Variants in FHIT observed in about 807,000 individuals in gnomAD.
FHIT encodes the protein bis(5'-adenosyl)-triphosphatase.
In FHIT, 19 loss-of-function variants were observed where a neutral mutation model predicts 17.9. That is an observed-to-expected ratio of 1.06 (90% confidence interval 0.74 to 1.56). The LOEUF is 1.56. FHIT is among the 40% of genes most tolerant of loss of function. The probability of loss-of-function intolerance (pLI) is 0.00; values close to 1 mark genes in which losing one functional copy is unlikely to be tolerated. For synonymous variants in FHIT, 81 were observed against 69.7 expected, an observed-to-expected ratio of 1.16 and a Z score of -0.81; for missense variants, 248 against 189.2, an observed-to-expected ratio of 1.31 and a Z score of -1.82.
rs1208520733 is a variant in FHIT, at chr3:60,891,507, T to C, written c.-110-69496A>G. ...AATGGGTATATATAACTGACAGCCTTTTTGCCATTCCAGGGAGATAAACCC... is the reference window on the plus strand; with the variant it reads ...AATGGGTATATATAACTGACAGCCTCTTTGCCATTCCAGGGAGATAAACCC... On this transcript the variant is annotated intron_variant, in intron 3 of 9. Coordinates refer to ENST00000492590, the MANE Select transcript of FHIT (RefSeq NM_002012.4). Among the ~76,000 whole-genome samples the C allele has an allele frequency of 2.0e-5, 3 of 152,200 alleles. No individual in the cohort carries two copies. The East Asian group carries it at 5.8e-4, about 29-fold the overall frequency.
intron 3 of FHIT, among the ~76,000 whole-genome samples, chr3:60,934,348 A>T (rs1191948222): frequency 2.0e-5 from 3 of 152,232 alleles, no homozygotes; most frequent in African/African-American, 7.2e-5. Flanking sequence ...GAACAAGGGC[A>T]GAAATATAAA....
Position 60,344,645 on chromosome 3 carries a change from C to T in FHIT, c.103+192215G>A, listed in dbSNP as rs374796166. On this transcript the variant is annotated intron_variant, in intron 5 of 9. Coordinates refer to ENST00000492590, the MANE Select transcript of FHIT (RefSeq NM_002012.4). ...AGCTACAGGCTGTATTTTAGAGACG[C>T]CTCCAAACTTGTTAGAAGATAACGT... Among the ~76,000 whole-genome samples, 100 of 152,118 alleles carry T rather than the reference C, an allele frequency of 6.6e-4. 1 individual carries two copies. Among genetic ancestry groups the T allele is most frequent in the Admixed American group, 3.1e-3 (48 of 15,252 alleles).
chr3:60,911,394 CA>C (rs1706736228), intron 3 of FHIT, among the ~76,000 whole-genome samples: 1 of 151,608 alleles, frequency 6.6e-6, no homozygotes, highest in Admixed American at 6.6e-5. Flanking sequence ...CACACACACA[CA>C]CACCCTTCCA....
intron 3 of FHIT, among the ~76,000 whole-genome samples, chr3:61,014,874 A>AT (rs1440316614): frequency 6.8e-6 from 1 of 147,028 alleles, no homozygotes; most frequent in Non-Finnish European, 1.5e-5. Context: ...ATGCATGTAT[A>AT]TATGTGTATA....
At chr3:60,762,140 C>A (rs1046053276) in intron 4 of FHIT, among the ~76,000 whole-genome samples, 1 of 152,178 alleles carries the variant, frequency 6.6e-6, no homozygotes, top group African/African-American at 2.4e-5. Context: ...AGCATCAGAA[C>A]ACCTGGTGTG....
chr3:60,312,632 T>G lies in FHIT; in HGVS notation c.103+224228A>C, dbSNP rs147582183. ...TGGACCTGAGATTCTGCATTTCCAA[T>G]AGGTTCCTAGGGGAGATCTAAGCTG... On this transcript the variant is annotated intron_variant, in intron 5 of 9. Coordinates refer to ENST00000492590, the MANE Select transcript of FHIT (RefSeq NM_002012.4). Among the ~76,000 whole-genome samples the G allele has an allele frequency of 4.8e-3, 726 of 152,290 alleles. 5 individuals carry two copies. Among genetic ancestry groups the G allele is most frequent in the Non-Finnish European group, 5.2e-3 (354 of 68,024 alleles).
At chr3:60,585,921 G>A (rs62249088) in intron 4 of FHIT, among the ~76,000 whole-genome samples, 9 of 151,838 alleles carry the variant, frequency 5.9e-5, no homozygotes, top group African/African-American at 2.2e-4. Flanking sequence ...AGAGCCCTTA[G>A]TATATTAATG....
At chr3:60,171,486 G>C (rs886739380) in intron 5 of FHIT, among the ~76,000 whole-genome samples, 65 of 152,182 alleles carry the variant, frequency 4.3e-4, no homozygotes, top group African/African-American at 1.5e-3. Context: ...ACTAATTGTG[G>C]GTGCCAACTG....
At chr3:61,235,922 A>G (rs563500880) in intron 1 of FHIT, among the ~76,000 whole-genome samples, 2 of 152,160 alleles carry the variant, frequency 1.3e-5, no homozygotes, top group South Asian at 4.1e-4. Flanking sequence ...ATTGTGACCA[A>G]TAATAAAATC....
intron 5 of FHIT, among the ~76,000 whole-genome samples, chr3:60,234,095 T>TTG (rs1483934408): frequency 8.5e-5 from 13 of 152,202 alleles, no homozygotes; most frequent in African/African-American, 3.1e-4. Context: ...TCCAGTTCAC[T>TTG]TGCATGCTTC....
chr3:60,684,197 A>T (rs1450674895), intron 4 of FHIT, among the ~76,000 whole-genome samples: 2 of 152,068 alleles, frequency 1.3e-5, no homozygotes, highest in Non-Finnish European at 2.9e-5. Context: ...TCTAGGAGGG[A>T]TTCCATTCCT....
rs182776637 is a variant in FHIT, at chr3:61,005,659, C to T, written c.-111+36388G>A. On this transcript the variant is annotated intron_variant, in intron 3 of 9. Coordinates refer to ENST00000492590, the MANE Select transcript of FHIT (RefSeq NM_002012.4). The stretch of plus-strand genomic sequence containing the variant: ...AATCCAAGAAGAAGCTTTTTCAGAG[C>T]AGGCTGTGTGGTGCATGGCTGGGCC... Among the ~76,000 whole-genome samples the T allele has an allele frequency of 3.9e-5, 6 of 152,200 alleles. No homozygotes were observed. In the East Asian group the frequency reaches 1.2e-3, roughly 29 times the overall value.
intron 2 of FHIT, among the ~76,000 whole-genome samples, chr3:61,043,418 G>A (rs988197002): frequency 6.6e-6 from 1 of 152,170 alleles, no homozygotes; most frequent in Non-Finnish European, 1.5e-5. Context: ...CAGCAGTGAG[G>A]CTGGGGGAGG....
At chr3:59,777,006 T>G (rs150622963) in intron 8 of FHIT, among the ~76,000 whole-genome samples, 1 of 152,300 alleles carries the variant, frequency 6.6e-6, no homozygotes, top group African/African-American at 2.4e-5. Flanking sequence ...TGACCTCATT[T>G]TGTTCCAGTG....
intron 4 of FHIT, among the ~76,000 whole-genome samples, chr3:60,646,775 C>A (rs2039867973): frequency 1.3e-5 from 2 of 152,154 alleles, no homozygotes; most frequent in Non-Finnish European, 2.9e-5. Flanking sequence ...GGGAAAAAAG[C>A]AAAACTGTAA....
chr3:60,457,050 G>T (rs2032143368), intron 5 of FHIT, among the ~76,000 whole-genome samples: 1 of 152,024 alleles, frequency 6.6e-6, no homozygotes, highest in South Asian at 2.1e-4. Flanking sequence ...AAGATACTAA[G>T]GACTTTCTTC....
At chr3:60,190,712 T>C (rs1702364092) in intron 5 of FHIT, among the ~76,000 whole-genome samples, 1 of 152,072 alleles carries the variant, frequency 6.6e-6, no homozygotes, top group Non-Finnish European at 1.5e-5. Flanking sequence ...CATGTATACA[T>C]ATGTAACTAA....
intron 3 of FHIT, among the ~76,000 whole-genome samples, chr3:60,992,389 T>C (rs1225929837): frequency 4.6e-5 from 7 of 152,218 alleles, no homozygotes; most frequent in Non-Finnish European, 7.3e-5. Context: ...CTGATGTATG[T>C]GTTATACCTT....
At chr3:59,860,204 A>G (rs1362224691) in intron 8 of FHIT, among the ~76,000 whole-genome samples, 2 of 152,224 alleles carry the variant, frequency 1.3e-5, no homozygotes, top group African/African-American at 2.4e-5. Flanking sequence ...TATGTTATAC[A>G]TGATTAGAAT....
Sources: allele counts gnomAD v4.1 joint callset (sites outside exome capture counted in the v4.1 genomes callset), GRCh38; gene constraint gnomAD v4.1.1; transcripts MANE v1.5; gene names NCBI Gene and HGNC (gene_info 2026-07-23, HGNC 2026-07-21).